Variants in PRKN observed in about 807,000 individuals in gnomAD.
PRKN encodes the protein E3 ubiquitin-protein ligase parkin.
A neutral mutation model predicts 59.5 loss-of-function variants in PRKN; 56 were observed. The ratio of observed to expected loss-of-function variants is 0.94; its 90% CI spans 0.76 to 1.18. The LOEUF is 1.18. PRKN is among the 50% of genes most tolerant of loss of function. The pLI, the probability that PRKN is intolerant of heterozygous loss-of-function variation, is 0.00. For synonymous variants in PRKN, 250 were observed against 222.1 expected (o/e 1.13, Z -1.12); for missense variants, 657 against 596.4 (o/e 1.10, Z -1.06).
intron 5 of PRKN, among the ~76,000 whole-genome samples, chr6:161,975,015 T>C (rs754025909): frequency 2.0e-5 from 3 of 152,138 alleles, no homozygotes; most frequent in Non-Finnish European, 4.4e-5. Flanking sequence ...TGATGAGACA[T>C]TTGTAGAATG....
chr6:162,117,032 A>C (rs1263772913), intron 4 of PRKN, among the ~76,000 whole-genome samples: 1 of 152,218 alleles, frequency 6.6e-6, no homozygotes, highest in Non-Finnish European at 1.5e-5. Flanking sequence ...TGTTTTATCA[A>C]ACTGTCCAGG....
intron 2 of PRKN, among the ~76,000 whole-genome samples, chr6:162,304,064 T>TGTAATCAAACAGTTTCCAAATATTGG (rs1296640305): frequency 9.4e-5 from 12 of 127,984 alleles, no homozygotes; most frequent in African/African-American, 1.5e-4. Context: ...CAAATGGATA[T>TGTAATCAAACAGTTTCCAAATATTGG]CATTACCTCT....
intron 5 of PRKN, 151 bp from the exon 6 acceptor site, chr6:161,973,568 G>C (rs1780908872): frequency 1.5e-6 from 1 of 677,312 alleles, no homozygotes; most frequent in Non-Finnish European, 2.7e-6. Flanking sequence ...CCTTTCCCAG[G>C]AACGGATGAC....
rs567268286 is a variant in PRKN, at chr6:162,073,122, T to C, written c.535-18948A>G. Among the ~76,000 whole-genome samples the C allele has an allele frequency of 4.2e-4, 64 of 152,296 alleles. No homozygotes were observed. In the South Asian group the frequency reaches 0.012, roughly 30 times the overall value. On this transcript the variant is annotated intron_variant, in intron 4 of 11. Coordinates refer to ENST00000366898, the MANE Select transcript of PRKN (RefSeq NM_004562.3). Reference sequence around the variant, plus strand: ...TAATTAATGTGAAAACCATTGAAGCTACAGCAAACAGGTCACACAGATAGT... The same window carrying C: ...TAATTAATGTGAAAACCATTGAAGCCACAGCAAACAGGTCACACAGATAGT...
intron 5 of PRKN, among the ~76,000 whole-genome samples, chr6:161,998,751 C>G (rs893000654): frequency 6.6e-6 from 1 of 152,158 alleles, no homozygotes; most frequent in African/African-American, 2.4e-5. Flanking sequence ...AAGAGAAATC[C>G]AATCCCGTTA....
chr6:162,673,655 G>A (rs1451430787), intron 1 of PRKN, among the ~76,000 whole-genome samples: 2 of 152,094 alleles, frequency 1.3e-5, no homozygotes, highest in East Asian at 3.9e-4. Flanking sequence ...TAAAGTGCTG[G>A]GATTACAGGC....
Position 161,785,974 on chromosome 6 carries a change from G to A in PRKN, c.735-66C>T, listed in dbSNP as rs878980944. 75 of 1,533,590 alleles carry A rather than the reference G, an allele frequency of 4.9e-5. 1 individual carries two copies. The South Asian group carries it at 8.2e-4, about 17-fold the overall frequency. 95.0% of individuals were successfully genotyped at this position (1,533,590 alleles called of 1,614,324 possible). A position where few individuals can be genotyped will look rare whatever the true frequency, so the allele number is the denominator to read the frequency against. On this transcript the variant is annotated intron_variant, in intron 6 of 11. Transcript: ENST00000366898. ...GTGTGGAAAGGCAGCACGTGCTTTA[G>A]ACCAATTTCTGTAATCCTGGAGGGT...
intron 1 of PRKN, among the ~76,000 whole-genome samples, chr6:162,655,431 TTATTTTTTTAAGCG>T (rs1214109410): frequency 6.6e-6 from 1 of 152,176 alleles, no homozygotes; most frequent in African/African-American, 2.4e-5. Context: ...CGTGTCTCCT[TTATTTTTTTAAGCG>T]TATATACAAA....
At chr6:162,541,625 G>C (rs1233192866) in intron 1 of PRKN, among the ~76,000 whole-genome samples, 1 of 152,170 alleles carries the variant, frequency 6.6e-6, no homozygotes, top group Non-Finnish European at 1.5e-5. Context: ...GTTCAGCTGA[G>C]AGTGGCCCAA....
intron 9 of PRKN, among the ~76,000 whole-genome samples, chr6:161,438,402 G>A (rs1789030653): frequency 6.6e-6 from 1 of 151,850 alleles, no homozygotes; most frequent in African/African-American, 2.4e-5. Context: ...ATTTTTAGTA[G>A]AGATGGGGTT....
At chr6:161,705,784 T>C (rs1786462655) in intron 7 of PRKN, among the ~76,000 whole-genome samples, 1 of 152,176 alleles carries the variant, frequency 6.6e-6, no homozygotes, top group Non-Finnish European at 1.5e-5. Flanking sequence ...TTGTAAACCT[T>C]GCTTCTTTGT....
At position 161,961,961 on chromosome 6, in the gene PRKN, C is replaced by T. The variant is rs945493045; in HGVS notation, c.734+11341G>A. On this transcript the variant is annotated intron_variant, in intron 6 of 11. Coordinates refer to ENST00000366898, the MANE Select transcript of PRKN (RefSeq NM_004562.3). The stretch of plus-strand genomic sequence containing the variant: ...AGATCTAGAAACTCTTGAAATTCCA[C>T]TTCCGGTGCACAGAAGATACAGCAC... Among the ~76,000 whole-genome samples the T allele has an allele frequency of 2.6e-5, 4 of 152,160 alleles. No homozygotes were observed. The South Asian group carries it at 8.3e-4, about 32-fold the overall frequency.
At chr6:161,599,982 G>A (rs188262729) in intron 7 of PRKN, among the ~76,000 whole-genome samples, 8 of 152,204 alleles carry the variant, frequency 5.3e-5, no homozygotes, top group South Asian at 4.1e-4. Context: ...CAAACATCCC[G>A]CACACGTGAA....
chr6:162,547,906 C>A (rs1411658322), intron 1 of PRKN, among the ~76,000 whole-genome samples: 1 of 150,680 alleles, frequency 6.6e-6, no homozygotes, highest in African/African-American at 2.4e-5. Flanking sequence ...GGGCCAAGAT[C>A]CGATAAGAAG....
chr6:161,912,639 G>A (rs566488834), intron 6 of PRKN, among the ~76,000 whole-genome samples: 1 of 152,114 alleles, frequency 6.6e-6, no homozygotes, highest in South Asian at 2.1e-4. Context: ...ATGGAGAAGA[G>A]CACAGAACCC....
rs144868950 is a variant in PRKN at position 162,109,322 on chromosome 6, G to C, written c.535-55148C>G. ...AAAGTTGGAAGAATATACAGAGAGAGATAAAAGCTGTATTCAGGAAGTAGA... is the reference window on the plus strand; with the variant it reads ...AAAGTTGGAAGAATATACAGAGAGACATAAAAGCTGTATTCAGGAAGTAGA... On this transcript the variant is annotated intron_variant, in intron 4 of 11. Coordinates refer to ENST00000366898, the MANE Select transcript of PRKN (RefSeq NM_004562.3). 1.9e-3 allele frequency among the ~76,000 whole-genome samples: 283 copies of C among 152,318 alleles called. 2 individuals carry two copies. Among genetic ancestry groups the C allele is most frequent in the African/African-American group, 6.5e-3 (272 of 41,574 alleles).
At chr6:161,632,164 CTTAT>C (rs1214169553) in intron 7 of PRKN, among the ~76,000 whole-genome samples, 1 of 152,054 alleles carries the variant, frequency 6.6e-6, no homozygotes, top group African/African-American at 2.4e-5. Context: ...GCAGAGAGGT[CTTAT>C]TTATTTTTTT....
At chr6:162,684,872 G>A (rs1779908917) in intron 1 of PRKN, among the ~76,000 whole-genome samples, 1 of 152,086 alleles carries the variant, frequency 6.6e-6, no homozygotes, top group Admixed American at 6.6e-5. Flanking sequence ...AAGGGAATAA[G>A]TATTCATTTA....
At position 161,679,506 on chromosome 6, in the gene PRKN, G is replaced by A. The variant is rs1016695520; in HGVS notation, c.871+106266C>T. Among the ~76,000 whole-genome samples, 5 of 151,298 alleles carry A rather than the reference G, an allele frequency of 3.3e-5. No individual in the cohort carries two copies. The East Asian group carries it at 5.8e-4, about 18-fold the overall frequency. ...GCCTCCCTCCCTCCACCACAGCCTC[G>A]GAAGGTACTTCCCGCTTGGGCTCTT... On this transcript the variant is annotated intron_variant, in intron 7 of 11. Transcript: ENST00000366898.
Sources: allele counts gnomAD v4.1 joint callset (sites outside exome capture counted in the v4.1 genomes callset), GRCh38; gene constraint gnomAD v4.1.1; transcripts MANE v1.5; gene names NCBI Gene and HGNC (gene_info 2026-07-23, HGNC 2026-07-21).